The following IFT43 variants were observed in gnomAD, a reference collection of about 807,000 sequenced individuals.
IFT43 encodes the protein intraflagellar transport protein 43 homolog.
A neutral mutation model predicts 32.3 loss-of-function variants in IFT43; 33 were observed. That is an observed-to-expected ratio of 1.02 (90% CI 0.77 to 1.37). The LOEUF (loss-of-function observed/expected upper bound fraction) is 1.37, where lower values mean the gene tolerates loss of function less well. Among genes scored for constraint, IFT43 ranks in the 40% most tolerant of loss-of-function variants. IFT43 has a pLI of 0.00. For missense variants in IFT43, 274 were observed against 265.9 expected (o/e 1.03, Z -0.21); for synonymous variants, 93 against 98.2 (o/e 0.95, Z 0.31).
At chr14:76,041,729 C>T (rs1354788423) in intron 3 of IFT43, among the ~76,000 whole-genome samples, 3 of 136,446 alleles carry the variant, frequency 2.2e-5, no homozygotes, top group Non-Finnish European at 4.7e-5. Flanking sequence ...CACTTCAATA[C>T]GTGTATGTAC....
intron 5 of IFT43, among the ~76,000 whole-genome samples, chr14:76,060,980 C>T (rs1478544046): frequency 1.3e-5 from 2 of 151,864 alleles, no homozygotes; most frequent in Non-Finnish European, 2.9e-5. Context: ...GGGCCCACTG[C>T]AACCTCCACC....
At chr14:76,040,406 T>C (rs147158905) in intron 3 of IFT43, among the ~76,000 whole-genome samples, 1 of 152,312 alleles carries the variant, frequency 6.6e-6, no homozygotes, top group East Asian at 1.9e-4. Flanking sequence ...CCTTGGAAAG[T>C]ATTGTGAAGG....
At chr14:75,988,553 C>CT (rs1393910415) in intron 1 of IFT43, among the ~76,000 whole-genome samples, 1 of 152,056 alleles carries the variant, frequency 6.6e-6, no homozygotes, top group Non-Finnish European at 1.5e-5. Flanking sequence ...GAGTCTTGCT[C>CT]TGTCACCCAG....
chr14:76,077,138 G>T (rs76809052), intron 5 of IFT43, among the ~76,000 whole-genome samples: 6 of 152,152 alleles, frequency 3.9e-5, no homozygotes, highest in Non-Finnish European at 8.8e-5. Context: ...AAGCCAGATG[G>T]GCCATACTGG....
chr14:75,993,412 G>T (rs1195402721), intron 2 of IFT43, among the ~76,000 whole-genome samples: 1 of 152,162 alleles, frequency 6.6e-6, no homozygotes, highest in Non-Finnish European at 1.5e-5. Flanking sequence ...TAGCTTACAT[G>T]CATCCATCCC....
At chr14:76,001,833 T>C (rs1163306444) in intron 2 of IFT43, among the ~76,000 whole-genome samples, 2 of 152,166 alleles carry the variant, frequency 1.3e-5, no homozygotes, top group East Asian at 3.8e-4. Flanking sequence ...CAAGAGGGCA[T>C]ATGAGAGGGA....
chr14:76,055,564 G>A (rs1339699343), intron 3 of IFT43, among the ~76,000 whole-genome samples: 2 of 152,118 alleles, frequency 1.3e-5, no homozygotes, highest in Non-Finnish European at 2.9e-5. Flanking sequence ...TGGCTCACTC[G>A]TGGGTCATGA....
At chr14:76,045,319 T>C (rs960152885) in intron 3 of IFT43, among the ~76,000 whole-genome samples, 3 of 152,220 alleles carry the variant, frequency 2.0e-5, no homozygotes, top group Non-Finnish European at 4.4e-5. Context: ...CTTCTCCTCC[T>C]GCATCCATTT....
At chr14:76,067,411 A>T (rs960695240) in intron 5 of IFT43, among the ~76,000 whole-genome samples, 2 of 150,264 alleles carry the variant, frequency 1.3e-5, no homozygotes, top group South Asian at 2.1e-4. Flanking sequence ...ACTAAAAATT[A>T]AAAAAAAAAT....
At chr14:76,050,977 T>C (rs1225302586) in intron 3 of IFT43, among the ~76,000 whole-genome samples, 1 of 151,994 alleles carries the variant, frequency 6.6e-6, no homozygotes, top group Non-Finnish European at 1.5e-5. Flanking sequence ...CTGTCATTTT[T>C]AATGTGAGCA....
At chr14:75,990,568 A>G (rs939244729) in intron 2 of IFT43, among the ~76,000 whole-genome samples, 3 of 152,190 alleles carry the variant, frequency 2.0e-5, no homozygotes, top group African/African-American at 7.2e-5. Flanking sequence ...GGTCAAGTAC[A>G]TAGTGTGTGA....
At chr14:76,017,235 T>C (rs1008225796) in intron 2 of IFT43, among the ~76,000 whole-genome samples, 5 of 152,162 alleles carry the variant, frequency 3.3e-5, no homozygotes, top group Non-Finnish European at 5.9e-5. Flanking sequence ...CTGTGCCTGA[T>C]TTGCTGAGAA....
At chr14:76,012,945 G>A (rs900225009) in intron 2 of IFT43, among the ~76,000 whole-genome samples, 1 of 152,170 alleles carries the variant, frequency 6.6e-6, no homozygotes, top group Non-Finnish European at 1.5e-5. Flanking sequence ...TGGCTTTTAA[G>A]TTTGTTTGAG....
intron 5 of IFT43, among the ~76,000 whole-genome samples, chr14:76,072,419 A>T (rs1009472181): frequency 2.0e-5 from 3 of 152,168 alleles, no homozygotes; most frequent in African/African-American, 7.2e-5. Context: ...CTATGCCCTG[A>T]AATGTCTGGG....
intron 5 of IFT43, among the ~76,000 whole-genome samples, chr14:76,074,459 A>G (rs1409179720): frequency 6.6e-6 from 1 of 152,104 alleles, no homozygotes; most frequent in Non-Finnish European, 1.5e-5. Flanking sequence ...ATACTCCCTA[A>G]AGGTCACCTG....
intron 5 of IFT43, among the ~76,000 whole-genome samples, chr14:76,073,052 C>G (rs1405284380): frequency 6.6e-6 from 1 of 152,094 alleles, no homozygotes; most frequent in African/African-American, 2.4e-5. Flanking sequence ...TTTTATTTGA[C>G]CAGAAAGAAA....
At chr14:76,081,910 C>T (rs2037516484) in intron 5 of IFT43, among the ~76,000 whole-genome samples, 1 of 152,204 alleles carries the variant, frequency 6.6e-6, no homozygotes, top group Non-Finnish European at 1.5e-5. Context: ...CTGACCATGC[C>T]AGGCTCACTT....
chr14:76,016,954 T>G (rs1436217444), intron 2 of IFT43, among the ~76,000 whole-genome samples: 1 of 152,182 alleles, frequency 6.6e-6, no homozygotes, highest in African/African-American at 2.4e-5. Context: ...TGATGCAATC[T>G]TTAGGTTTTT....
chr14:76,005,422 CTT>C (rs1185989871), intron 2 of IFT43, among the ~76,000 whole-genome samples: 1 of 152,236 alleles, frequency 6.6e-6, no homozygotes, highest in South Asian at 2.1e-4. Context: ...GCACCTCTAA[CTT>C]TGTGGAACTC....
Sources: gnomAD v4.1 joint callset for allele counts (sites outside exome capture counted in the v4.1 genomes callset) on GRCh38, gnomAD v4.1.1 for gene constraint, MANE v1.5 for transcripts, NCBI Gene and HGNC (gene_info 2026-07-23, HGNC 2026-07-21) for gene names.